The following TRIM25 variants were observed in gnomAD, a reference collection of about 807,000 sequenced individuals.
TRIM25 encodes the protein tripartite motif containing 25.
Under a neutral mutation model 65.2 loss-of-function variants are expected in TRIM25, and 45 were observed. The observed-to-expected ratio is 0.69, with a 90% CI of 0.54 to 0.89. The LOEUF (loss-of-function observed/expected upper bound fraction) is 0.89, where lower values mean the gene tolerates loss of function less well. TRIM25 is among the 40% of genes least tolerant of loss of function. TRIM25 has a pLI of 0.00. For missense variants in TRIM25, 714 were observed against 803.7 expected (o/e 0.89, Z 1.35); for synonymous variants, 321 against 340.4 (o/e 0.94, Z 0.63).
chr17:56,893,698 C>A (rs918845774), intron 8 of TRIM25, among the ~76,000 whole-genome samples: 1 of 152,210 alleles, frequency 6.6e-6, no homozygotes, highest in Non-Finnish European at 1.5e-5. Context: ...CTGGCCTTGA[C>A]AACGGAACTC....
intron 1 of TRIM25, 86 bp from the exon 2 acceptor site, chr17:56,908,649 GA>G: frequency 3.0e-6 from 4 of 1,339,160 alleles, no homozygotes; most frequent in Non-Finnish European, 4.2e-6. Context: ...CCACAGGATA[GA>G]TTCCTTCCTC....
rs1427042552 is a variant in TRIM25, at chr17:56,895,379, T to C, written c.1327A>G (p.Thr443Ala). The C allele has an allele frequency of 3.1e-6, 5 of 1,613,900 alleles. No homozygotes were observed. Among genetic ancestry groups the C allele is most frequent in the Non-Finnish European group, 4.2e-6 (5 of 1,179,972 alleles). The change falls in exon 8 of 9, where the codon ACC becomes GCC. Residue 443 changes from threonine (T) to alanine (A), a missense_variant. Coordinates refer to ENST00000316881, the MANE Select transcript of TRIM25 (RefSeq NM_005082.5). ...STSLKAKVLE[T>A]FLAKSRPELL... ...TCAGGTCTGGACTTGGCCAGGAAGGTCTCCAGCACCTTGGCCTTGAGAGAT... is the reference window on the plus strand; with the variant it reads ...TCAGGTCTGGACTTGGCCAGGAAGGCCTCCAGCACCTTGGCCTTGAGAGAT...
In TRIM25 at chr17:56,913,574, C is replaced by A; in HGVS notation, c.415G>T (p.Ala139Ser). 1 of 1,611,998 alleles carries A rather than the reference C, an allele frequency of 6.2e-7. No homozygotes were observed. Among genetic ancestry groups the A allele is most frequent in the Non-Finnish European group, 8.5e-7 (1 of 1,178,790 alleles). Residue 139 changes from alanine (A) to serine (S), a missense_variant, in exon 1 of 9, where the codon GCC becomes TCC. Transcript: ENST00000316881. This position sits in a 1 kb window ranked among gnomAD's most constrained non-coding sequence, Gnocchi z 6.1. The part of the protein sequence containing the change: ...EHLQPHFDSP[A>S]FQDHPLQPPV... ...GGCTGCAGCGGGTGGTCCTGGAAGG[C>A]GGGGCTGTCGAAGTGCGGCTGCAGG...
chr17:56,899,355 G>A (rs955824873), intron 4 of TRIM25, among the ~76,000 whole-genome samples, 175 bp from the exon 5 acceptor site: 8 of 152,206 alleles, frequency 5.3e-5, no homozygotes, highest in Admixed American at 5.2e-4. Flanking sequence ...AACCAGTTTG[G>A]TGTATTCCCT....
intron 2 of TRIM25, among the ~76,000 whole-genome samples, chr17:56,907,996 CG>C (rs552565375): frequency 1.3e-5 from 2 of 152,176 alleles, no homozygotes; most frequent in African/African-American, 4.8e-5. Context: ...CTAGAGACTT[CG>C]GGAGTGTGGC....
chr17:56,899,076 C>T (rs779775552), intron 5 of TRIM25, 39 bp downstream of exon 5: 2 of 1,612,306 alleles, frequency 1.2e-6, no homozygotes, highest in African/African-American at 1.3e-5. Flanking sequence ...GAGGCCACAG[C>T]CATGCTGTTG....
chr17:56,901,450 G>C lies in TRIM25; in HGVS notation c.1056C>G (p.Ile352Met). 1 of 1,614,120 alleles carries C rather than the reference G, an allele frequency of 6.2e-7. No homozygotes were observed. The highest frequency in any genetic ancestry group is 8.5e-7 in the Non-Finnish European group (1 of 1,180,012). Reference protein sequence around the residue: ...IDLKNELKQCIGRLQEPTPSS... With the variant: ...IDLKNELKQCMGRLQEPTPSS... ...TGGGGGTGGGCTCCTGGAGCCGCCC[G>C]ATGCACTGCTTCAGCTCGTTTTTGA... The change falls in exon 4 of 9, where the codon ATC becomes ATG. Residue 352 changes from isoleucine (I) to methionine (M), a missense_variant. This residue lies in a region of TRIM25 where 413 missense variants were observed against 498.2 expected (regional missense o/e 0.83). Transcript: ENST00000316881.
intron 2 of TRIM25, among the ~76,000 whole-genome samples, chr17:56,905,439 C>G (rs565217123): frequency 1.7e-4 from 26 of 152,240 alleles, no homozygotes; most frequent in South Asian, 6.2e-4. Context: ...ATATCATGCT[C>G]TAGGATTGTA....
In TRIM25 at chr17:56,891,518, A is replaced by C; in HGVS notation, c.*182T>G. Reference sequence around the variant, plus strand: ...GGGTGGAAACGCCTCCTCGCCCACAACACAATCACTCTCACCCCTTTCCTG... The same window carrying C: ...GGGTGGAAACGCCTCCTCGCCCACACCACAATCACTCTCACCCCTTTCCTG... On this transcript the variant is annotated 3_prime_UTR_variant, in exon 9 of 9. Coordinates refer to ENST00000316881, the MANE Select transcript of TRIM25 (RefSeq NM_005082.5). The C allele has an allele frequency of 1.3e-6, 1 of 797,794 alleles. No homozygotes were observed. The highest frequency in any genetic ancestry group is 1.9e-6 in the Non-Finnish European group (1 of 520,092). The allele number at this position is 797,794 out of a possible 1,614,324, so 49.4% of individuals were successfully genotyped here.
intron 2 of TRIM25, 138 bp downstream of exon 2, chr17:56,908,330 T>C (rs764874657): frequency 1.1e-5 from 9 of 833,936 alleles, no homozygotes; most frequent in Non-Finnish European, 1.7e-5. Context: ...TCTGCATGCT[T>C]TGCAAGGTTG....
rs761466736 is a variant in TRIM25 at position 56,895,957 on chromosome 17, AAAAG to A, written c.1154-9_1154-6del. 2 of 1,611,806 alleles carry A rather than the reference AAAAG, an allele frequency of 1.2e-6. No individual in the cohort carries two copies. Among genetic ancestry groups the A allele is most frequent in the African/African-American group, 2.7e-5 (2 of 74,944 alleles). ...TCTTGGATTTCTTTTCCTCTTCTGC[AAAAG>A]AAAGTTTTCAGATTTAATTTCTTTT... On this transcript the variant is annotated splice_region_variant and splice_polypyrimidine_tract_variant and intron_variant, in intron 5 of 8. Coordinates refer to ENST00000316881, the MANE Select transcript of TRIM25 (RefSeq NM_005082.5).
At chr17:56,892,946 C>T (rs964661556) in intron 8 of TRIM25, among the ~76,000 whole-genome samples, 5 of 152,220 alleles carry the variant, frequency 3.3e-5, no homozygotes, top group Non-Finnish European at 2.9e-5. Flanking sequence ...ACTGATGCTA[C>T]AGTTGGGGAA....
At chr17:56,908,446 C>G (rs774529038) in intron 2 of TRIM25, 22 bp downstream of exon 2, 40 of 1,612,042 alleles carry the variant, frequency 2.5e-5, no homozygotes, top group Non-Finnish European at 3.4e-5. Context: ...CAGGGCTGGC[C>G]TTGGAGAGCC....
intron 1 of TRIM25, among the ~76,000 whole-genome samples, chr17:56,910,880 G>A (rs169530): frequency 0.15 from 22,159 of 152,206 alleles, 1,791 homozygotes; most frequent in Non-Finnish European, 0.18. Flanking sequence ...AGCAGCAGTA[G>A]CAGGGCTCAA....
intron 1 of TRIM25, among the ~76,000 whole-genome samples, chr17:56,911,691 C>G (rs557365557): frequency 4.6e-5 from 7 of 150,740 alleles, no homozygotes; most frequent in South Asian, 2.1e-4. Context: ...AGTTCAAGAC[C>G]AGCCTGAGCA....
At position 56,889,633 on chromosome 17, in the gene TRIM25, A is replaced by G. The variant is rs886576201; in HGVS notation, c.*2067T>C. ...TAAACAGAGGGTCTTATGCTTCCCT[A>G]TCCTGAGCTGCACATTTGCCAGGGA... On this transcript the variant is annotated 3_prime_UTR_variant, in exon 9 of 9. Transcript: ENST00000316881. 26 of 397,466 alleles carry G rather than the reference A, an allele frequency of 6.5e-5. No homozygotes were observed. Among genetic ancestry groups the G allele is most frequent in the Non-Finnish European group, 1.1e-4 (24 of 225,768 alleles). The allele number at this position is 397,466 out of a possible 1,614,324, so 24.6% of individuals were successfully genotyped here.
chr17:56,904,701 CA>C (rs1032646840), intron 2 of TRIM25, among the ~76,000 whole-genome samples: 62 of 151,866 alleles, frequency 4.1e-4, no homozygotes, highest in Admixed American at 3.3e-3. Context: ...ATATGTGCTA[CA>C]AAAAATTGCA....
chr17:56,892,165 A>G lies in TRIM25; in HGVS notation c.1428T>C (p.Tyr476=), dbSNP rs1909188454. The change falls in exon 9 of 9, where the codon TAT becomes TAC. Residue 476 remains tyrosine, a synonymous_variant. Coordinates refer to ENST00000316881, the MANE Select transcript of TRIM25 (RefSeq NM_005082.5). ...GCATCTCAGCCACAGAAGCTACTGTATAGCACTCTGACAGAGCCACTTTGT... is the reference window on the plus strand; with the variant it reads ...GCATCTCAGCCACAGAAGCTACTGTGTAGCACTCTGACAGAGCCACTTTGT... ...AHNKVALSEC[Y]TVASVAEMPQ... 1 of 1,613,714 alleles carries G rather than the reference A, an allele frequency of 6.2e-7. No homozygotes were observed. Among genetic ancestry groups the G allele is most frequent in the Non-Finnish European group, 8.5e-7 (1 of 1,179,790 alleles).
rs747236733 is a variant in TRIM25 at position 56,913,410 on chromosome 17, C to T, written c.579G>A (p.Gln193=). ...TCCCTACCTCCAGGTCGGCGCTGGCCTGGCTCAGGGACGCGGGAGAGCAGG... is the reference window on the plus strand; with the variant it reads ...TCCCTACCTCCAGGTCGGCGCTGGCTTGGCTCAGGGACGCGGGAGAGCAGG... ...HKTCSPASLS[Q]ASADLEATLR... Residue 193 remains glutamine, a synonymous_variant, in exon 1 of 9, where the codon CAG becomes CAA. Coordinates refer to ENST00000316881, the MANE Select transcript of TRIM25 (RefSeq NM_005082.5). This position sits in a 1 kb window ranked among gnomAD's most constrained non-coding sequence, Gnocchi z 6.1. The T allele has an allele frequency of 6.4e-7, 1 of 1,572,682 alleles. No individual in the cohort carries two copies. Among genetic ancestry groups the T allele is most frequent in the Non-Finnish European group, 8.7e-7 (1 of 1,153,836 alleles).
Sources: allele counts gnomAD v4.1 joint callset (sites outside exome capture counted in the v4.1 genomes callset), GRCh38; gene constraint gnomAD v4.1.1; regional missense constraint gnomAD v4.1.1; non-coding constraint Gnocchi (gnomAD v3.1); transcripts MANE v1.5; gene names NCBI Gene and HGNC (gene_info 2026-07-23, HGNC 2026-07-21).